FOXP2: variants seen among roughly 807,000 people sequenced by gnomAD.
FOXP2 encodes forkhead box P2.
FOXP2 carries 12 observed loss-of-function variants against 115.8 expected under a neutral mutation model. The observed-to-expected ratio is 0.10, with a 90% confidence interval of 0.07 to 0.17. The LOEUF (loss-of-function observed/expected upper bound fraction) is 0.17, where lower values mean the gene tolerates loss of function less well. Among genes scored for constraint, FOXP2 ranks in the 10% least tolerant of loss-of-function variants. The probability of loss-of-function intolerance (pLI) is 1.00; values close to 1 mark genes in which losing one functional copy is unlikely to be tolerated. For missense variants in FOXP2, 629 were observed against 843.5 expected (o/e 0.75, Z 3.15); for synonymous variants, 328 against 297.7 (o/e 1.10, Z -1.05).
chr7:114,650,428 G>GA (rs5886718), intron 8 of FOXP2, among the ~76,000 whole-genome samples: 6 of 150,536 alleles, frequency 4.0e-5, no homozygotes, highest in African/African-American at 1.5e-4. Context: ...AGTTCATGGT[G>GA]AAAAAAAAAA....
chr7:114,103,060 AATAACAATTAC>A (rs1249388057), intron 1 of FOXP2, among the ~76,000 whole-genome samples: 1 of 152,096 alleles, frequency 6.6e-6, no homozygotes, highest in African/African-American at 2.4e-5. Context: ...GTGAACCATG[AATAACAATTAC>A]ATAATTTTAC....
rs1157443357 is a variant in FOXP2, at chr7:114,313,731, C to G, written c.-11+25622C>G. On this transcript the variant is annotated intron_variant, in intron 2 of 17. Coordinates refer to the FOXP2 transcript ENST00000634411. The stretch of plus-strand genomic sequence containing the variant: ...CTGCACTCCAGCCTGGGCGACAGAG[C>G]GAGACTCCGTCTCAAAAAAAAAAAA... Among the ~76,000 whole-genome samples, 3 of 42,464 alleles carry G rather than the reference C, an allele frequency of 7.1e-5. 1 individual carries two copies. In the African/African-American group the frequency reaches 1.4e-3, roughly 20 times the overall value. The allele number at this position is 42,464 out of a possible 152,430, so 27.9% of individuals were successfully genotyped here. A position where few individuals can be genotyped will look rare whatever the true frequency, so the allele number is the denominator to read the frequency against.
In FOXP2 at chr7:114,415,155, C is replaced by G. The variant is rs1793280339; in HGVS notation, c.-216C>G. 1 of 454,254 alleles carries G rather than the reference C, an allele frequency of 2.2e-6. No individual in the cohort carries two copies. Among genetic ancestry groups the G allele is most frequent in the South Asian group, 1.6e-5 (1 of 64,480 alleles). The allele number at this position is 454,254 out of a possible 1,614,324, so 28.1% of individuals were successfully genotyped here. ...AAATGCCATCAGTCTGGGACGTGAT[C>G]GGGCAGAGGTGTACTCACAGTAGTG... On this transcript the variant is annotated 5_prime_UTR_variant, in exon 1 of 17. It adds an upstream start codon to the 5' untranslated region. Coordinates refer to ENST00000350908, the MANE Select transcript of FOXP2 (RefSeq NM_014491.4).
At chr7:114,361,104 G>A (rs1038744344) in intron 2 of FOXP2, among the ~76,000 whole-genome samples, 24 of 152,010 alleles carry the variant, frequency 1.6e-4, no homozygotes, top group Non-Finnish European at 3.2e-4. Context: ...TCTAGTTAAA[G>A]CAATGGTTTG....
chr7:114,675,545 T>C (rs1807708228), intron 16 of FOXP2, among the ~76,000 whole-genome samples: 1 of 152,142 alleles, frequency 6.6e-6, no homozygotes, highest in Non-Finnish European at 1.5e-5. Flanking sequence ...TGGAACTAAT[T>C]TGAATGAAAA....
intron 1 of FOXP2, among the ~76,000 whole-genome samples, chr7:114,157,888 A>G (rs724419): frequency 0.051 from 7,810 of 152,194 alleles, 355 homozygotes; most frequent in African/African-American, 0.12. Flanking sequence ...GGGAAAAACT[A>G]TCATTATAGT....
At chr7:114,602,853 TG>T (rs1479708623) in intron 3 of FOXP2, among the ~76,000 whole-genome samples, 2 of 152,172 alleles carry the variant, frequency 1.3e-5, no homozygotes, top group African/African-American at 4.8e-5. Flanking sequence ...GTCTAAAATA[TG>T]GGTCAGTAAA....
chr7:114,580,570 G>A (rs561668746), intron 3 of FOXP2, among the ~76,000 whole-genome samples: 4 of 151,974 alleles, frequency 2.6e-5, no homozygotes, highest in South Asian at 2.1e-4. Context: ...AACAGAGTGC[G>A]ACTCTGTCTC....
chr7:114,186,159 T>C lies in FOXP2; in HGVS notation c.-102+23071T>C, dbSNP rs550628638. On this transcript the variant is annotated intron_variant, in intron 1 of 17. Coordinates refer to the FOXP2 transcript ENST00000634411. ...TTGGACGGGACGTATGTTCAAACCA[T>C]AGAATCTCATCCCTGAGCCCTCCAA... Among the ~76,000 whole-genome samples, 4 of 152,236 alleles carry C rather than the reference T, an allele frequency of 2.6e-5. No homozygotes were observed. The East Asian group carries it at 7.8e-4, about 30-fold the overall frequency.
At chr7:114,305,748 A>G (rs896835512) in intron 2 of FOXP2, among the ~76,000 whole-genome samples, 6 of 152,162 alleles carry the variant, frequency 3.9e-5, no homozygotes, top group African/African-American at 1.4e-4. Context: ...CTTAAAGTTT[A>G]CTGTGTTTGC....
chr7:114,272,333 T>C (rs1276097336), intron 1 of FOXP2, among the ~76,000 whole-genome samples: 1 of 151,570 alleles, frequency 6.6e-6, no homozygotes, highest in Non-Finnish European at 1.5e-5. Flanking sequence ...GAGAGATTAG[T>C]CTGTAGATTT....
chr7:114,295,740 G>T (rs1165719319), intron 2 of FOXP2, among the ~76,000 whole-genome samples: 1 of 152,168 alleles, frequency 6.6e-6, no homozygotes, highest in Non-Finnish European at 1.5e-5. Context: ...CTGGCACCTG[G>T]TATTGTATAA....
At chr7:114,135,670 A>G (rs1014901956) in intron 1 of FOXP2, among the ~76,000 whole-genome samples, 1 of 152,154 alleles carries the variant, frequency 6.6e-6, no homozygotes, top group African/African-American at 2.4e-5. Flanking sequence ...CAGTAAGTTC[A>G]GTGACCCAAG....
At chr7:114,304,223 G>A (rs1796946744) in intron 2 of FOXP2, among the ~76,000 whole-genome samples, 1 of 152,032 alleles carries the variant, frequency 6.6e-6, no homozygotes, top group African/African-American at 2.4e-5. Flanking sequence ...GGGTTTCCAA[G>A]TTTTACATCT....
intron 1 of FOXP2, among the ~76,000 whole-genome samples, chr7:114,146,451 G>C (rs949607406): frequency 2.6e-5 from 4 of 152,258 alleles, no homozygotes; most frequent in African/African-American, 9.6e-5. Flanking sequence ...TTAGTGAGTG[G>C]ATAAATGAAT....
chr7:114,607,018 G>A (rs541939146), intron 3 of FOXP2, among the ~76,000 whole-genome samples: 9 of 152,096 alleles, frequency 5.9e-5, no homozygotes, highest in Non-Finnish European at 1.2e-4. Context: ...TGATTCTAGA[G>A]CCTACCCTTC....
At chr7:114,616,550 A>G (rs1317711543) in intron 3 of FOXP2, among the ~76,000 whole-genome samples, 1 of 152,096 alleles carries the variant, frequency 6.6e-6, no homozygotes, top group Non-Finnish European at 1.5e-5. Context: ...TACCATTATC[A>G]CCTTAATTCT....
intron 2 of FOXP2, among the ~76,000 whole-genome samples, chr7:114,506,866 G>A (rs992307262): frequency 1.3e-5 from 2 of 151,752 alleles, no homozygotes; most frequent in Non-Finnish European, 2.9e-5. Context: ...GAAAAGCTTT[G>A]AGGAGATATA....
At chr7:114,160,782 CTGTGTG>C (rs34540150), upstream of FOXP2, among the ~76,000 whole-genome samples, 2 of 147,258 alleles carry the variant, frequency 1.4e-5, no homozygotes, top group South Asian at 2.2e-4. Flanking sequence ...AGTATATTTT[CTGTGTG>C]TGTGTGTGTG....
Sources: allele counts gnomAD v4.1 joint callset (sites outside exome capture counted in the v4.1 genomes callset), GRCh38; gene constraint gnomAD v4.1.1; transcripts MANE v1.5; gene names NCBI Gene and HGNC (gene_info 2026-07-23, HGNC 2026-07-21).